Variants in RABGEF1 observed in about 807,000 individuals in gnomAD.
RABGEF1 encodes rab5 GDP/GTP exchange factor.
RABGEF1 carries 26 observed loss-of-function variants against 57.3 expected under a neutral mutation model. The observed-to-expected ratio is 0.45, with a 90% CI of 0.33 to 0.63. The LOEUF (loss-of-function observed/expected upper bound fraction) is 0.63. Ranked by LOEUF, RABGEF1 falls within the 20% of genes least tolerant of loss-of-function variation. RABGEF1 has a pLI of 0.02. For missense variants in RABGEF1, 464 were observed against 607.6 expected, an observed-to-expected ratio of 0.76 and a Z score of 2.48; for synonymous variants, 185 against 210.7, an observed-to-expected ratio of 0.88 and a Z score of 1.06.
chr7:66,718,324 G>A (rs1795632715), intron 2 of RABGEF1, among the ~76,000 whole-genome samples: 1 of 152,210 alleles, frequency 6.6e-6, no homozygotes, highest in Non-Finnish European at 1.5e-5. Context: ...TCCAGCCTGG[G>A]TGACAGAGCA....
intron 1 of RABGEF1, among the ~76,000 whole-genome samples, chr7:66,709,755 A>C (rs1794562685): frequency 6.6e-6 from 1 of 152,236 alleles, no homozygotes; most frequent in Non-Finnish European, 1.5e-5. Context: ...AGCCTGGGTG[A>C]CAAGAGCAAA....
intron 2 of RABGEF1, among the ~76,000 whole-genome samples, chr7:66,720,189 TTATTA>T (rs1367425941): frequency 7.1e-6 from 1 of 140,618 alleles, no homozygotes; most frequent in Non-Finnish European, 1.5e-5. Context: ...ATTATTATTA[TTATTA>T]TTTTTTTTTT....
upstream of RABGEF1, among the ~76,000 whole-genome samples, chr7:66,738,017 T>TG (rs1554311623): frequency 2.3e-5 from 3 of 132,438 alleles, no homozygotes; most frequent in African/African-American, 7.8e-5. Context: ...GTTTTTTGTT[T>TG]TTTTTGTTTT....
rs1310636130 is a variant in RABGEF1, at chr7:66,775,227, A to G, written c.180A>G (p.Arg60=). 2.5e-6 allele frequency: 4 copies of G among 1,608,548 alleles called. No homozygotes were observed. The highest frequency in any genetic ancestry group is 8.5e-7 in the Non-Finnish European group (1 of 1,178,142). ...ATTCTAATCCTCTCTTGAATTGCAGACTCCAGCGGGAGGAAGAAGAGGCCT... is the reference window on the plus strand; with the variant it reads ...ATTCTAATCCTCTCTTGAATTGCAGGCTCCAGCGGGAGGAAGAAGAGGCCT... The part of the protein sequence containing the change: ...QIQEDWELAE[R]LQREEEEAFA... Residue 60 remains arginine, a splice_region_variant and synonymous_variant, in exon 3 of 9, where the codon CGA becomes CGG. Transcript: ENST00000284957.
intron 2 of RABGEF1, among the ~76,000 whole-genome samples, chr7:66,715,566 AC>A (rs1195903087): frequency 6.6e-6 from 1 of 152,158 alleles, no homozygotes; most frequent in African/African-American, 2.4e-5. Context: ...TTCCTGTTTC[AC>A]CCAGGATTAT....
intron 3 of RABGEF1, among the ~76,000 whole-genome samples, chr7:66,778,410 A>G (rs1188671572): frequency 6.6e-6 from 1 of 152,246 alleles, no homozygotes; most frequent in Non-Finnish European, 1.5e-5. Flanking sequence ...AAAGTGTTTT[A>G]GTCTCTACAG....
chr7:66,678,122 C>G (rs1367871643), upstream of RABGEF1, among the ~76,000 whole-genome samples: 2 of 152,020 alleles, frequency 1.3e-5, no homozygotes, highest in African/African-American at 4.8e-5. Context: ...AAAATTTAGT[C>G]TCAACATCTA....
chr7:66,809,341 A>G lies in RABGEF1; in HGVS notation c.*57A>G, dbSNP rs556276307. On this transcript the variant is annotated 3_prime_UTR_variant, in exon 9 of 9. Coordinates refer to ENST00000284957, the MANE Select transcript of RABGEF1 (RefSeq NM_014504.3). ...CTAAATTGTAGGTAGCCCTTACTAC[A>G]CTCAACTGATTGGGATCTAGAATGT... 5.3e-6 allele frequency: 8 copies of G among 1,504,932 alleles called. No homozygotes were observed. The highest frequency in any genetic ancestry group is 7.2e-6 in the Non-Finnish European group (8 of 1,116,086). The allele number at this position is 1,504,932 out of a possible 1,614,324, so 93.2% of individuals were successfully genotyped here. A position where few individuals can be genotyped will look rare whatever the true frequency, so the allele number is the denominator to read the frequency against.
chr7:66,685,467 C>A (rs567246073), intron 1 of RABGEF1, among the ~76,000 whole-genome samples: 74 of 151,674 alleles, frequency 4.9e-4, no homozygotes, highest in African/African-American at 1.7e-3. Flanking sequence ...CCAGCCTGGG[C>A]AACATAGCAA....
intron 3 of RABGEF1, among the ~76,000 whole-genome samples, chr7:66,779,876 G>A (rs575838895): frequency 1.2e-4 from 18 of 152,054 alleles, no homozygotes; most frequent in African/African-American, 3.9e-4. Context: ...CCTGCATACC[G>A]AACACCTGAG....
intron 4 of RABGEF1, among the ~76,000 whole-genome samples, chr7:66,794,207 ATTTTTTTT>A (rs1174835014): frequency 1.2e-4 from 11 of 91,104 alleles, no homozygotes; most frequent in South Asian, 3.9e-4. Flanking sequence ...TCCATGTTTA[ATTTTTTTT>A]TTTTTTTTTT....
chr7:66,736,045 A>C (rs192205898), upstream of RABGEF1, among the ~76,000 whole-genome samples: 1 of 152,250 alleles, frequency 6.6e-6, no homozygotes, highest in Admixed American at 6.6e-5. Flanking sequence ...ATTGCACTGG[A>C]GATCCTAGCC....
chr7:66,714,516 G>T (rs1795134876), intron 2 of RABGEF1, among the ~76,000 whole-genome samples: 1 of 152,080 alleles, frequency 6.6e-6, no homozygotes, highest in Admixed American at 6.6e-5. Flanking sequence ...TCTTTTCAAA[G>T]AATCAGCTTT....
At chr7:66,776,643 C>T (rs1398989651) in intron 3 of RABGEF1, among the ~76,000 whole-genome samples, 2 of 151,916 alleles carry the variant, frequency 1.3e-5, no homozygotes, top group African/African-American at 2.4e-5. Context: ...TGCAGTGAGC[C>T]GAAATCGTGC....
Position 66,753,701 on chromosome 7 carries a change from G to GTTTTTT in RABGEF1, c.-18+12927_-18+12932dup, listed in dbSNP as rs1224800315. The stretch of plus-strand genomic sequence containing the variant: ...ATCTGAAAATGTCTATTTTGCCATC[G>GTTTTTT]TTTTTTTTTTTTTTTTTTTTTTTGA... On this transcript the variant is annotated intron_variant, in intron 1 of 8. Coordinates refer to ENST00000284957, the MANE Select transcript of RABGEF1 (RefSeq NM_014504.3). 7.1e-3 allele frequency among the ~76,000 whole-genome samples: 560 copies of GTTTTTT among 78,776 alleles called. 62 individuals carry two copies. Among genetic ancestry groups the GTTTTTT allele is most frequent in the East Asian group, 0.044 (88 of 2,016 alleles). 51.7% of individuals were successfully genotyped at this position (78,776 alleles called of 152,430 possible). A position where few individuals can be genotyped will look rare whatever the true frequency, so the allele number is the denominator to read the frequency against.
At chr7:66,703,491 G>T (rs942643073) in intron 1 of RABGEF1, among the ~76,000 whole-genome samples, 19 of 152,124 alleles carry the variant, frequency 1.2e-4, no homozygotes, top group East Asian at 5.8e-4. Context: ...GTGGGGTAAA[G>T]GTCTAACTTT....
intron 4 of RABGEF1, among the ~76,000 whole-genome samples, chr7:66,786,240 A>T (rs1224561769): frequency 6.6e-6 from 1 of 152,234 alleles, no homozygotes; most frequent in Non-Finnish European, 1.5e-5. Context: ...CTGCATTAAA[A>T]TTTTTAAGCC....
At chr7:66,757,535 A>G (rs73139924) in intron 1 of RABGEF1, among the ~76,000 whole-genome samples, 59 of 152,376 alleles carry the variant, frequency 3.9e-4, no homozygotes, top group Non-Finnish European at 6.9e-4. Flanking sequence ...CAATCAGTAT[A>G]TAAATATTTG....
At chr7:66,670,433 ATTTTTTTTTTTTTTTTTTT>A in the RABGEF1 span, among the ~76,000 whole-genome samples, 3 of 116,032 alleles carry the variant, frequency 2.6e-5, no homozygotes, top group Non-Finnish European at 3.5e-5. Flanking sequence ...GAATGAGATG[ATTTTTTTTTTTTTTTTTTT>A]TTTTTTTTTT....
Sources: gnomAD v4.1 joint callset for allele counts (sites outside exome capture counted in the v4.1 genomes callset) on GRCh38, gnomAD v4.1.1 for gene constraint, MANE v1.5 for transcripts, NCBI Gene and HGNC (gene_info 2026-07-23, HGNC 2026-07-21) for gene names.